Variants in RARB observed in about 807,000 individuals in gnomAD.
RARB encodes the protein HBV-activated protein.
Under a neutral mutation model 51.9 loss-of-function variants are expected in RARB, and 17 were observed. The ratio of observed to expected loss-of-function variants is 0.33; its 90% CI spans 0.22 to 0.49. The LOEUF (loss-of-function observed/expected upper bound fraction) is 0.49, where lower values mean the gene tolerates loss of function less well. Among genes scored for constraint, RARB ranks in the 20% least tolerant of loss-of-function variants. RARB has a pLI of 0.99. For synonymous variants in RARB, 215 were observed against 195.4 expected (o/e 1.10, Z -0.84); for missense variants, 369 against 550.8 (o/e 0.67, Z 3.30).
intron 2 of RARB, among the ~76,000 whole-genome samples, chr3:25,482,728 A>C (rs1696292198): frequency 6.6e-6 from 1 of 150,992 alleles, no homozygotes; most frequent in Non-Finnish European, 1.5e-5. Flanking sequence ...TTTAGTAGAG[A>C]CGGGGTTTCA....
chr3:25,522,005 C>G lies in RARB; in HGVS notation c.448+20682C>G, dbSNP rs907189504. On this transcript the variant is annotated intron_variant, in intron 3 of 7. Transcript: ENST00000330688. ...CTTGCTGCTTTTTTCTCATATGTCACCTTTTTATATGGGGATCTCTGAACA... is the reference window on the plus strand; with the variant it reads ...CTTGCTGCTTTTTTCTCATATGTCAGCTTTTTATATGGGGATCTCTGAACA... Among the ~76,000 whole-genome samples, 217 of 113,854 alleles carry G rather than the reference C, an allele frequency of 1.9e-3. 1 individual carries two copies. The highest frequency in any genetic ancestry group is 0.014 in the African/African-American group (212 of 15,622). 74.7% of individuals were successfully genotyped at this position (113,854 alleles called of 152,430 possible). A position where few individuals can be genotyped will look rare whatever the true frequency, so the allele number is the denominator to read the frequency against.
rs191980865 is a variant in RARB, at chr3:25,347,462, C to G, written c.179-113731C>G. 3.3e-5 allele frequency among the ~76,000 whole-genome samples: 5 copies of G among 152,284 alleles called. No individual in the cohort carries two copies. In the East Asian group the frequency reaches 7.7e-4, roughly 24 times the overall value. On this transcript the variant is annotated intron_variant, in intron 5 of 11. Coordinates refer to the RARB transcript ENST00000383772. ...GATGATAGTGTTCTACAAAAATTAT[C>G]AATTATATATAACAAAGAAAATTGC...
intron 3 of RARB, among the ~76,000 whole-genome samples, chr3:25,080,056 CCAAA>C (rs1039974368): frequency 1.8e-4 from 27 of 152,234 alleles, no homozygotes; most frequent in African/African-American, 6.3e-4. Context: ...TTTCATCACC[CCAAA>C]CAAACTCTGC....
At chr3:25,278,792 A>ATATCG (rs1703454062) in intron 5 of RARB, among the ~76,000 whole-genome samples, 1 of 152,196 alleles carries the variant, frequency 6.6e-6, no homozygotes, top group Non-Finnish European at 1.5e-5. Flanking sequence ...GGGCCAGCAC[A>ATATCG]TTCTACTCAG....
chr3:25,069,863 C>A (rs1395314714), intron 3 of RARB, among the ~76,000 whole-genome samples: 1 of 152,224 alleles, frequency 6.6e-6, no homozygotes. Flanking sequence ...GGGAGCCCAT[C>A]TGACCCAATT....
intron 5 of RARB, among the ~76,000 whole-genome samples, chr3:25,390,232 C>T (rs1316258824): frequency 6.6e-6 from 1 of 152,088 alleles, no homozygotes; most frequent in Non-Finnish European, 1.5e-5. Context: ...GTGGTGCATG[C>T]CTGTAGCCCC....
At chr3:25,400,914 G>A (rs1707246170) in intron 5 of RARB, among the ~76,000 whole-genome samples, 1 of 151,802 alleles carries the variant, frequency 6.6e-6, no homozygotes, top group Admixed American at 6.6e-5. Flanking sequence ...AATATAAAAT[G>A]TAAATCTGTT....
Position 25,048,429 on chromosome 3 carries a change from A to G in RARB, c.-379-11696A>G, listed in dbSNP as rs549864135. Among the ~76,000 whole-genome samples, 4 of 152,322 alleles carry G rather than the reference A, an allele frequency of 2.6e-5. No individual in the cohort carries two copies. In the East Asian group the frequency reaches 5.8e-4, roughly 22 times the overall value. On this transcript the variant is annotated intron_variant, in intron 2 of 11. Coordinates refer to the RARB transcript ENST00000383772. ...ACACACAACTTTCCTATATGAATAC[A>G]TGTTAATAAATGCAAAATGTTGTCC...
Position 25,586,315 on chromosome 3 carries a change from C to T in RARB, c.786+5593C>T, listed in dbSNP as rs578239104. Among the ~76,000 whole-genome samples the T allele has an allele frequency of 2.6e-5, 4 of 152,146 alleles. No individual in the cohort carries two copies. The South Asian group carries it at 6.2e-4, about 24-fold the overall frequency. On this transcript the variant is annotated intron_variant, in intron 5 of 7. Transcript: ENST00000330688. ...TCTGTCCCAAGCTCTTAAGGCATAGCGTAATGACAGGTGCATTTCCCAAAA... is the reference window on the plus strand; with the variant it reads ...TCTGTCCCAAGCTCTTAAGGCATAGTGTAATGACAGGTGCATTTCCCAAAA...
intron 5 of RARB, among the ~76,000 whole-genome samples, chr3:25,226,463 G>T (rs1238218509): frequency 6.6e-6 from 1 of 152,100 alleles, no homozygotes; most frequent in Non-Finnish European, 1.5e-5. Flanking sequence ...GGTTTATTAT[G>T]ATTTTTCAAG....
chr3:25,202,883 A>C (rs1490359864), intron 5 of RARB, among the ~76,000 whole-genome samples: 1 of 152,176 alleles, frequency 6.6e-6, no homozygotes, highest in Non-Finnish European at 1.5e-5. Context: ...AATAACTGCA[A>C]TGTGGTGCTG....
At chr3:25,408,456 C>T (rs1284462709) in intron 5 of RARB, among the ~76,000 whole-genome samples, 1 of 152,086 alleles carries the variant, frequency 6.6e-6, no homozygotes, top group Non-Finnish European at 1.5e-5. Context: ...AACTTACTAT[C>T]ATGAGAACAG....
chr3:25,595,285 A>C (rs770464023), intron 7 of RARB, among the ~76,000 whole-genome samples: 14 of 151,604 alleles, frequency 9.2e-5, no homozygotes, highest in Non-Finnish European at 1.9e-4. Flanking sequence ...TATCCCTGGT[A>C]CCAAATGGGC....
chr3:24,871,941 A>G (rs1010061474), intron 2 of RARB, among the ~76,000 whole-genome samples: 1 of 152,032 alleles, frequency 6.6e-6, no homozygotes, highest in African/African-American at 2.4e-5. Context: ...CACTTCCCCT[A>G]TCATCACCCT....
rs527573548 is a variant in RARB at position 25,392,422 on chromosome 3, T to C, written c.179-68771T>C. On this transcript the variant is annotated intron_variant, in intron 5 of 11. Transcript: ENST00000383772. ...TTTAAGATTGTATATTTTAGTTGTG[T>C]GAAGAATGATGATGGTATTTTGATG... 1.1e-3 allele frequency among the ~76,000 whole-genome samples: 168 copies of C among 152,232 alleles called. 1 individual carries two copies. The Middle Eastern group carries it at 0.017, about 15-fold the overall frequency.
chr3:25,584,296 G>C (rs1229632188), intron 5 of RARB, among the ~76,000 whole-genome samples: 2 of 152,128 alleles, frequency 1.3e-5, no homozygotes, highest in African/African-American at 4.8e-5. Flanking sequence ...ACCTTCTCCT[G>C]GTGGGGGGAC....
At chr3:25,053,584 C>T (rs1461640113) in intron 2 of RARB, among the ~76,000 whole-genome samples, 1 of 152,138 alleles carries the variant, frequency 6.6e-6, no homozygotes, top group Non-Finnish European at 1.5e-5. Flanking sequence ...CATCTGTAAG[C>T]TGTGGAGGAA....
At chr3:24,875,398 G>C (rs1313917713) in intron 2 of RARB, among the ~76,000 whole-genome samples, 1 of 152,070 alleles carries the variant, frequency 6.6e-6, no homozygotes, top group Non-Finnish European at 1.5e-5. Context: ...GGATTGCCTG[G>C]CAACTTGTGA....
intron 5 of RARB, among the ~76,000 whole-genome samples, chr3:25,305,257 TAGG>T (rs1430111820): frequency 6.6e-6 from 1 of 152,144 alleles, no homozygotes; most frequent in East Asian, 1.9e-4. Context: ...AGTTTAACTG[TAGG>T]AGGAGAGGTT....
Sources: gnomAD v4.1 joint callset for allele counts (sites outside exome capture counted in the v4.1 genomes callset) on GRCh38, gnomAD v4.1.1 for gene constraint, MANE v1.5 for transcripts, NCBI Gene and HGNC (gene_info 2026-07-23, HGNC 2026-07-21) for gene names.